Variants in PRC1 observed in about 807,000 individuals in gnomAD.
PRC1 encodes the protein anaphase spindle elongation 1 homolog.
In PRC1, 54 loss-of-function variants were observed where a neutral mutation model predicts 91.2. The observed-to-expected ratio is 0.59, with a 90% CI of 0.48 to 0.74. The LOEUF (loss-of-function observed/expected upper bound fraction) is 0.74. PRC1 is among the 30% of genes least tolerant of loss of function. PRC1 has a pLI of 0.00. For synonymous variants in PRC1, 275 were observed against 263.6 expected (o/e 1.04, Z -0.42); for missense variants, 727 against 746.2 (o/e 0.97, Z 0.30).
Position 90,966,646 on chromosome 15 carries a change from A to AG in PRC1, c.*484dup. 2.2e-6 allele frequency: 1 copy of AG among 456,254 alleles called. No individual in the cohort carries two copies. The highest frequency in any genetic ancestry group is 2.3e-5 in the Admixed American group (1 of 42,574). The allele number at this position is 456,254 out of a possible 1,614,324, so 28.3% of individuals were successfully genotyped here. On this transcript the variant is annotated 3_prime_UTR_variant, in exon 15 of 15. Coordinates refer to ENST00000394249, the MANE Select transcript of PRC1 (RefSeq NM_003981.4). ...CACAAAGACATTCTCTTCAGGAGGA[A>AG]GGCTGTCCTGTGTGGTGGGGACAAG...
intron 11 of PRC1, among the ~76,000 whole-genome samples, chr15:90,973,773 C>T (rs970690295): frequency 6.6e-6 from 1 of 152,074 alleles, no homozygotes; most frequent in Non-Finnish European, 1.5e-5. Flanking sequence ...GGCACAGTAC[C>T]TTCCCTTGAA....
Position 90,966,925 on chromosome 15 carries a change from G to T in PRC1, c.*206C>A. On this transcript the variant is annotated 3_prime_UTR_variant, in exon 15 of 15. Coordinates refer to ENST00000394249, the MANE Select transcript of PRC1 (RefSeq NM_003981.4). ...TGCCATAAACTTTTCATGTATATAA[G>T]TCAAAACCAAGTCTCCTAGGACCAC... 1 of 589,980 alleles carries T rather than the reference G, an allele frequency of 1.7e-6. No individual in the cohort carries two copies. Among genetic ancestry groups the T allele is most frequent in the Non-Finnish European group, 3.0e-6 (1 of 331,878 alleles). The allele number at this position is 589,980 out of a possible 1,614,324, so 36.5% of individuals were successfully genotyped here.
chr15:90,990,967 C>T (rs775263576), intron 1 of PRC1, among the ~76,000 whole-genome samples: 16 of 151,136 alleles, frequency 1.1e-4, no homozygotes, highest in Non-Finnish European at 2.1e-4. Flanking sequence ...TTAGTAGAGA[C>T]GGGGTTTCAC....
chr15:90,970,408 C>A lies in PRC1; in HGVS notation c.1568G>T (p.Ser523Ile). 1 of 1,598,578 alleles carries A rather than the reference C, an allele frequency of 6.3e-7. No homozygotes were observed. Reference protein sequence around the residue: ...SPVSRLPPSGSKPVAASTCSG... With the variant: ...SPVSRLPPSGIKPVAASTCSG... ...TTAGACACAGGGCATACTAACCTTG[C>A]TGCCAGAAGGAGGAAGTCGAGACAC... The change falls in exon 12 of 15, where the codon AGC becomes ATC. Residue 523 changes from serine to isoleucine, a missense_variant. Physicochemically the swap from Ser to Ile is moderately radical, Grantham distance 142. Transcript: ENST00000394249.
rs2037484688 is a variant in PRC1, at chr15:90,966,325, A to C, written c.*806T>G. On this transcript the variant is annotated 3_prime_UTR_variant, in exon 15 of 15. Coordinates refer to ENST00000394249, the MANE Select transcript of PRC1 (RefSeq NM_003981.4). ...CACCTCCCCAGTAGTGACATGTGCA[A>C]AGTTCCAGATCTCCACGACAAAGAC... 5 of 281,896 alleles carry C rather than the reference A, an allele frequency of 1.8e-5. No homozygotes were observed. Among genetic ancestry groups the C allele is most frequent in the Non-Finnish European group, 3.6e-5 (5 of 138,672 alleles). 17.5% of individuals were successfully genotyped at this position (281,896 alleles called of 1,614,324 possible).
chr15:90,990,162 C>A (rs2039879439), intron 1 of PRC1, among the ~76,000 whole-genome samples: 1 of 151,752 alleles, frequency 6.6e-6, no homozygotes, highest in Non-Finnish European at 1.5e-5. Flanking sequence ...ATGGTGAAAC[C>A]CCGTCTCTAC....
chr15:90,980,862 C>T (rs1409954021), intron 6 of PRC1, 22 bp downstream of exon 6: 3 of 1,613,990 alleles, frequency 1.9e-6, no homozygotes, highest in Non-Finnish European at 2.5e-6. Context: ...ACTGCTGACC[C>T]AGTACCCACT....
intron 8 of PRC1, among the ~76,000 whole-genome samples, chr15:90,978,260 G>C (rs1388882323): frequency 1.3e-5 from 2 of 152,200 alleles, no homozygotes; most frequent in Non-Finnish European, 2.9e-5. Flanking sequence ...GAGAATGTTA[G>C]TTGCCTGCCC....
chr15:90,973,819 CCTG>C (rs1223710369), intron 11 of PRC1, among the ~76,000 whole-genome samples: 1 of 152,036 alleles, frequency 6.6e-6, no homozygotes, highest in African/African-American at 2.4e-5. Flanking sequence ...CTCACGTTTT[CCTG>C]CTGACCTTCT....
Position 90,994,438 on chromosome 15 carries a change from G to GT in PRC1, c.-22dup, listed in dbSNP as rs1567211689. On this transcript the variant is annotated 5_prime_UTR_variant, in exon 1 of 15. Coordinates refer to ENST00000394249, the MANE Select transcript of PRC1 (RefSeq NM_003981.4). ...CTCATGGCGGACGCTCCAAGCAGCC[G>GT]TGAGTCCAGGTCCAGACCTACTCCA... 2 of 1,610,544 alleles carry GT rather than the reference G, an allele frequency of 1.2e-6. No homozygotes were observed. Among genetic ancestry groups the GT allele is most frequent in the Non-Finnish European group, 1.7e-6 (2 of 1,178,284 alleles).
In PRC1 at chr15:90,974,297, C is replaced by G; in HGVS notation, c.1351-51G>C. ...GATAAATCTCAGGAAGAGAGCGGGT[C>G]TGGGATGGCAACAGCAGCAGGGCCG... On this transcript the variant is annotated intron_variant, in intron 10 of 14. Transcript: ENST00000394249. The surrounding 1 kb of genome is among the most constrained non-coding windows in gnomAD (Gnocchi z 4.6). 1 of 1,499,676 alleles carries G rather than the reference C, an allele frequency of 6.7e-7. No individual in the cohort carries two copies. Among genetic ancestry groups the G allele is most frequent in the Middle Eastern group, 1.9e-4 (1 of 5,342 alleles). 92.9% of individuals were successfully genotyped at this position (1,499,676 alleles called of 1,614,324 possible).
intron 13 of PRC1, among the ~76,000 whole-genome samples, 161 bp downstream of exon 13, chr15:90,969,286 C>G (rs2037838088): frequency 6.6e-6 from 1 of 152,122 alleles, no homozygotes; most frequent in Non-Finnish European, 1.5e-5. Flanking sequence ...ACAACCCCCC[C>G]TTAAATCACA....
In PRC1 at chr15:90,984,778, T is replaced by C. The variant is rs2039459374; in HGVS notation, c.59A>G (p.Asn20Ser). 6.2e-7 allele frequency: 1 copy of C among 1,614,154 alleles called. No homozygotes were observed. Among genetic ancestry groups the C allele is most frequent in the African/African-American group, 1.3e-5 (1 of 75,016 alleles). ...TAGCTCCCATATTTCCCGAAGGTGA[T>C]TTAGGGCTTTCTGCAGACATACTAT... ...ESIVCLQKAL[N>S]HLREIWELIG... Residue 20 changes from asparagine (N) to serine (S), a missense_variant, in exon 2 of 15, where the codon AAT becomes AGT. By Grantham distance (46) the Asn-to-Ser change is conservative. Transcript: ENST00000394249. This position sits in a 1 kb window ranked among gnomAD's most constrained non-coding sequence, Gnocchi z 5.1.
chr15:90,970,369 A>G (rs1271759976), intron 12 of PRC1, 35 bp downstream of exon 12: 4 of 1,462,530 alleles, frequency 2.7e-6, no homozygotes, highest in Non-Finnish European at 3.8e-6. Flanking sequence ...CTAGGGACGC[A>G]TGTGAGGATG....
rs1250680596 is a variant in PRC1, at chr15:90,966,627, G to C, written c.*504C>G. On this transcript the variant is annotated 3_prime_UTR_variant, in exon 15 of 15. Coordinates refer to ENST00000394249, the MANE Select transcript of PRC1 (RefSeq NM_003981.4). The stretch of plus-strand genomic sequence containing the variant: ...GCCATCTCAACTTCGGACACACAAA[G>C]ACATTCTCTTCAGGAGGAAGGCTGT... 2.2e-6 allele frequency: 1 copy of C among 456,068 alleles called. No homozygotes were observed. The highest frequency in any genetic ancestry group is 2.0e-5 in the African/African-American group (1 of 50,072). 28.3% of individuals were successfully genotyped at this position (456,068 alleles called of 1,614,324 possible).
Position 90,966,784 on chromosome 15 carries a change from G to C in PRC1, c.*347C>G. The C allele has an allele frequency of 2.3e-6, 1 of 430,674 alleles. No individual in the cohort carries two copies. The highest frequency in any genetic ancestry group is 2.0e-5 in the South Asian group (1 of 51,198). The allele number at this position is 430,674 out of a possible 1,614,324, so 26.7% of individuals were successfully genotyped here. ...ACATGCCAAAATTACCCCCAGGGAT[G>C]GGCATAGTCAATCATTTTCCTACAG... On this transcript the variant is annotated 3_prime_UTR_variant, in exon 15 of 15. Transcript: ENST00000394249.
chr15:90,968,544 T>A, intron 14 of PRC1: 1 of 991,098 alleles, frequency 1.0e-6, no homozygotes, highest in Non-Finnish European at 1.2e-6. Flanking sequence ...TGAAGAGCAT[T>A]CTGGAAAAAC....
chr15:90,974,013 C>A lies in PRC1; in HGVS notation c.1461+123G>T. On this transcript the variant is annotated intron_variant, in intron 11 of 14. Transcript: ENST00000394249. This position sits in a 1 kb window ranked among gnomAD's most constrained non-coding sequence, Gnocchi z 4.6. ...TTTGTGTCTTATTTCTTTTCTCTGT[C>A]TCTTGTCCCACCTGATGAGAAATAC... 19 of 777,426 alleles carry A rather than the reference C, an allele frequency of 2.4e-5. No homozygotes were observed. The South Asian group carries it at 2.9e-4, about 12-fold the overall frequency. 48.2% of individuals were successfully genotyped at this position (777,426 alleles called of 1,614,324 possible). A position where few individuals can be genotyped will look rare whatever the true frequency, so the allele number is the denominator to read the frequency against.
Position 90,974,987 on chromosome 15 carries a change from G to A in PRC1, c.1204-256C>T, listed in dbSNP as rs929254550. Reference sequence around the variant, plus strand: ...TAAGGTTTTGGTGCCTGAAGTTGGAGGCAGCACAGGGAAGATCAGCAATAT... The same window carrying A: ...TAAGGTTTTGGTGCCTGAAGTTGGAAGCAGCACAGGGAAGATCAGCAATAT... On this transcript the variant is annotated intron_variant, in intron 9 of 14. Coordinates refer to ENST00000394249, the MANE Select transcript of PRC1 (RefSeq NM_003981.4). This position sits in a 1 kb window ranked among gnomAD's most constrained non-coding sequence, Gnocchi z 4.6. Among the ~76,000 whole-genome samples the A allele has an allele frequency of 1.3e-5, 2 of 152,202 alleles. No individual in the cohort carries two copies. Among genetic ancestry groups the A allele is most frequent in the Non-Finnish European group, 2.9e-5 (2 of 68,046 alleles).
Sources: allele counts gnomAD v4.1 joint callset (sites outside exome capture counted in the v4.1 genomes callset), GRCh38; gene constraint gnomAD v4.1.1; non-coding constraint Gnocchi (gnomAD v3.1); transcripts MANE v1.5; gene names NCBI Gene and HGNC (gene_info 2026-07-23, HGNC 2026-07-21).